Variants in SIAH2 observed in about 807,000 individuals in gnomAD.
SIAH2 encodes the protein E3 ubiquitin-protein ligase SIAH2.
SIAH2 carries 4 observed loss-of-function variants against 20.4 expected under a neutral mutation model. That is an observed-to-expected ratio of 0.20 (90% CI 0.10 to 0.45). The LOEUF (loss-of-function observed/expected upper bound fraction) is 0.45, where lower values mean the gene tolerates loss of function less well. SIAH2 is among the 20% of genes least tolerant of loss of function. The probability of loss-of-function intolerance (pLI) is 0.99; values close to 1 mark genes in which losing one functional copy is unlikely to be tolerated. For missense variants in SIAH2, 259 were observed against 440.3 expected, an observed-to-expected ratio of 0.59 and a Z score of 3.69; for synonymous variants, 171 against 192.5, an observed-to-expected ratio of 0.89 and a Z score of 0.93.
rs1390383194 is a variant in SIAH2, at chr3:150,741,546, C to G, written c.*595G>C. 1 of 152,372 alleles carries G rather than the reference C, an allele frequency of 6.6e-6. No individual in the cohort carries two copies. The highest frequency in any genetic ancestry group is 1.9e-4 in the East Asian group (1 of 5,198). 9.4% of individuals were successfully genotyped at this position (152,372 alleles called of 1,614,324 possible). A position where few individuals can be genotyped will look rare whatever the true frequency, so the allele number is the denominator to read the frequency against. On this transcript the variant is annotated 3_prime_UTR_variant, in exon 2 of 2. Coordinates refer to ENST00000312960, the MANE Select transcript of SIAH2 (RefSeq NM_005067.7). ...TTAAAGCACCTTTAAAATCTGGACC[C>G]TTTCCCACAATTTAACCCAGTAATT...
rs1714633982 is a variant in SIAH2, at chr3:150,762,302, G to A, written c.417+131C>T. On this transcript the variant is annotated intron_variant, in intron 1 of 1. Coordinates refer to ENST00000312960, the MANE Select transcript of SIAH2 (RefSeq NM_005067.7). The surrounding 1 kb of genome is among the most constrained non-coding windows in gnomAD (Gnocchi z 6.6). ...GTGGGCTTGAGGGAGGGTGGACGAA[G>A]TGTAAACATTTTTTCTTTTTTTTTT... The A allele has an allele frequency of 5.5e-6, 8 of 1,467,238 alleles. No individual in the cohort carries two copies. The highest frequency in any genetic ancestry group is 1.4e-5 in the African/African-American group (1 of 69,182). 90.9% of individuals were successfully genotyped at this position (1,467,238 alleles called of 1,614,324 possible).
At chr3:150,760,165 T>C (rs1158324621) in intron 1 of SIAH2, among the ~76,000 whole-genome samples, 1 of 152,204 alleles carries the variant, frequency 6.6e-6, no homozygotes, top group Non-Finnish European at 1.5e-5. Flanking sequence ...CATTCAAGTT[T>C]GGTTTATCCA....
rs752609587 is a variant in SIAH2 at position 150,762,408 on chromosome 3, G to T, written c.417+25C>A. 2.5e-6 allele frequency: 4 copies of T among 1,594,592 alleles called. No homozygotes were observed. The African/African-American group carries it at 5.4e-5, about 22-fold the overall frequency. ...GGAGTCCCTGAGGTCACCGGCGGAG[G>T]TACGTGGGCTGTCCCTGGGCTTACC... is the stretch of plus-strand genomic sequence containing the variant. On this transcript the variant is annotated intron_variant, in intron 1 of 1. Transcript: ENST00000312960. This position sits in a 1 kb window ranked among gnomAD's most constrained non-coding sequence, Gnocchi z 6.6.
At chr3:150,747,405 C>T (rs982364146) in intron 1 of SIAH2, among the ~76,000 whole-genome samples, 13 of 152,206 alleles carry the variant, frequency 8.5e-5, no homozygotes, top group South Asian at 2.1e-4. Flanking sequence ...AGGACTTGTG[C>T]GTTTAAGCTG....
intron 1 of SIAH2, among the ~76,000 whole-genome samples, chr3:150,751,206 C>T (rs1458986267): frequency 2.6e-5 from 4 of 151,988 alleles, no homozygotes; most frequent in African/African-American, 9.7e-5. Context: ...CTGAGGCAGG[C>T]GGATTCCCTG....
At chr3:150,753,199 C>T (rs1221435320) in intron 1 of SIAH2, among the ~76,000 whole-genome samples, 1 of 152,176 alleles carries the variant, frequency 6.6e-6, no homozygotes. Context: ...CACCAGTAGA[C>T]TTAGGAGAGT....
chr3:150,748,212 T>C (rs1714271247), intron 1 of SIAH2, among the ~76,000 whole-genome samples: 1 of 152,166 alleles, frequency 6.6e-6, no homozygotes, highest in Non-Finnish European at 1.5e-5. Context: ...TTGAAGGTTG[T>C]ATTTAAGTTG....
At chr3:150,749,153 G>C (rs1879422) in intron 1 of SIAH2, among the ~76,000 whole-genome samples, 27,110 of 152,004 alleles carry the variant, frequency 0.18, 5,210 homozygotes, top group African/African-American at 0.47. Flanking sequence ...GGCTATAAGG[G>C]AATTTTTAAA....
chr3:150,743,907 G>A (rs1244962724), intron 1 of SIAH2, among the ~76,000 whole-genome samples: 2 of 151,826 alleles, frequency 1.3e-5, no homozygotes, highest in Non-Finnish European at 2.9e-5. Context: ...AATGGCAGGG[G>A]AACTGTCTGG....
intron 1 of SIAH2, among the ~76,000 whole-genome samples, chr3:150,747,695 C>T (rs1255895001): frequency 6.6e-6 from 1 of 152,064 alleles, no homozygotes; most frequent in Admixed American, 6.6e-5. Flanking sequence ...AATCCCAGAA[C>T]TTTGGGAGGT....
At chr3:150,761,347 C>T (rs1207562950) in intron 1 of SIAH2, among the ~76,000 whole-genome samples, 2 of 152,212 alleles carry the variant, frequency 1.3e-5, no homozygotes, top group Non-Finnish European at 2.9e-5. Context: ...CACGTAATAG[C>T]TGCAGGTAAA....
chr3:150,759,151 G>A (rs1278790882), intron 1 of SIAH2, among the ~76,000 whole-genome samples: 1 of 152,110 alleles, frequency 6.6e-6, no homozygotes, highest in African/African-American at 2.4e-5. Flanking sequence ...CAAAGTGCTG[G>A]GATTACAGGC....
chr3:150,743,807 T>C (rs1418281270), intron 1 of SIAH2, among the ~76,000 whole-genome samples: 1 of 152,130 alleles, frequency 6.6e-6, no homozygotes, highest in African/African-American at 2.4e-5. Flanking sequence ...ACACCTGCCC[T>C]GAGTACTAAG....
intron 1 of SIAH2, among the ~76,000 whole-genome samples, chr3:150,746,344 TGAG>T (rs1362153484): frequency 6.6e-6 from 1 of 152,050 alleles, no homozygotes; most frequent in Non-Finnish European, 1.5e-5. Flanking sequence ...TGCAGTGAGC[TGAG>T]ATCGTGCCAC....
chr3:150,742,331 G>C lies in SIAH2; in HGVS notation c.785C>G (p.Ala262Gly), dbSNP rs1714111331. ...GTTCCCATTCAACTCCAGTCTGTAG[G>C]CAAAGTTCTCGGCTTGCTTGCGGGT... The part of the protein sequence containing the change: ...IGTRKQAENF[A>G]YRLELNGNRR... The change falls in exon 2 of 2, where the codon GCC becomes GGC. Residue 262 changes from alanine to glycine, a missense_variant. This residue lies in a region of SIAH2 where 160 missense variants were observed against 327.6 expected (regional missense o/e 0.49). Transcript: ENST00000312960. The surrounding 1 kb of genome is among the most constrained non-coding windows in gnomAD (Gnocchi z 4.8). 1 of 1,614,064 alleles carries C rather than the reference G, an allele frequency of 6.2e-7. No homozygotes were observed. Among genetic ancestry groups the C allele is most frequent in the Non-Finnish European group, 8.5e-7 (1 of 1,180,050 alleles).
chr3:150,746,719 C>T (rs1714222502), intron 1 of SIAH2, among the ~76,000 whole-genome samples: 1 of 152,210 alleles, frequency 6.6e-6, no homozygotes, highest in African/African-American at 2.4e-5. Flanking sequence ...ATAAGAACTA[C>T]TCATTCCAAT....
At position 150,762,771 on chromosome 3, in the gene SIAH2, G is replaced by T; in HGVS notation, c.79C>A (p.Pro27Thr). 2 of 1,210,844 alleles carry T rather than the reference G, an allele frequency of 1.7e-6. No homozygotes were observed. Among genetic ancestry groups the T allele is most frequent in the Non-Finnish European group, 2.1e-6 (2 of 964,556 alleles). 75.0% of individuals were successfully genotyped at this position (1,210,844 alleles called of 1,614,324 possible). Residue 27 changes from proline to threonine, a missense_variant, in exon 1 of 2, where the codon CCG becomes ACG. Around this residue, in one of 2 missense-constraint regions of SIAH2, gnomAD observed 99 missense variants for 112.7 expected, o/e 0.88. Transcript: ENST00000312960. The surrounding 1 kb of genome is among the most constrained non-coding windows in gnomAD (Gnocchi z 6.6). Reference protein sequence around the residue: ...KQPPPQPQHTPSPAAPPAAAT... With the variant: ...KQPPPQPQHTTSPAAPPAAAT... ...GCGGCCGGGGGCGCAGCCGGGGACG[G>T]AGTGTGCTGGGGCTGCGGCGGCGGC...
chr3:150,753,805 C>CA (rs56936536), intron 1 of SIAH2, among the ~76,000 whole-genome samples: 7,691 of 147,136 alleles, frequency 0.052, 237 homozygotes, highest in Middle Eastern at 0.08. Context: ...AAACAAAAAA[C>CA]AAAAAAAAAA....
chr3:150,761,225 G>A (rs1714602987), intron 1 of SIAH2, among the ~76,000 whole-genome samples: 1 of 152,160 alleles, frequency 6.6e-6, no homozygotes, highest in Non-Finnish European at 1.5e-5. Context: ...CAAAAAAACT[G>A]GAAAGTATTA....
Sources: gnomAD v4.1 joint callset for allele counts (sites outside exome capture counted in the v4.1 genomes callset) on GRCh38, gnomAD v4.1.1 for gene constraint, gnomAD v4.1.1 regional missense constraint, Gnocchi (gnomAD v3.1) non-coding constraint, MANE v1.5 for transcripts, NCBI Gene and HGNC (gene_info 2026-07-23, HGNC 2026-07-21) for gene names.